Variants in CUL5 observed in about 807,000 individuals in gnomAD.
CUL5 encodes the protein cullin-5.
A neutral mutation model predicts 108.8 loss-of-function variants in CUL5; 26 were observed. The ratio of observed to expected loss-of-function variants is 0.24; its 90% CI spans 0.18 to 0.33. The LOEUF (loss-of-function observed/expected upper bound fraction) is 0.33, where lower values mean the gene tolerates loss of function less well. Ranked by LOEUF, CUL5 falls within the 10% of genes least tolerant of loss-of-function variation. The pLI is 1.00. For synonymous variants in CUL5, 334 were observed against 298.0 expected (o/e 1.12, Z -1.25); for missense variants, 524 against 909.2 (o/e 0.58, Z 5.45).
intron 2 of CUL5, among the ~76,000 whole-genome samples, chr11:108,037,003 T>C (rs1246648312): frequency 6.6e-6 from 1 of 152,112 alleles, no homozygotes; most frequent in East Asian, 1.9e-4. Flanking sequence ...TGGGCTCTGA[T>C]CTTGCTATTA....
chr11:108,017,469 G>C (rs1862227736), intron 1 of CUL5, among the ~76,000 whole-genome samples: 2 of 151,140 alleles, frequency 1.3e-5, no homozygotes, highest in Admixed American at 1.3e-4. Flanking sequence ...CTTATATCCT[G>C]ATGGATGAAT....
At chr11:108,084,488 T>C (rs1336968041) in intron 11 of CUL5, among the ~76,000 whole-genome samples, 1 of 152,220 alleles carries the variant, frequency 6.6e-6, no homozygotes, top group Non-Finnish European at 1.5e-5. Context: ...GAGGGACATA[T>C]CTTCGATTCA....
chr11:108,078,043 AG>A (rs1863984619), intron 10 of CUL5, 132 bp from the exon 11 acceptor site: 1 of 526,700 alleles, frequency 1.9e-6, no homozygotes, highest in Non-Finnish European at 3.3e-6. Flanking sequence ...GTCTTTGACT[AG>A]GCAAATTCTG....
intron 7 of CUL5, among the ~76,000 whole-genome samples, chr11:108,060,083 G>A (rs1330908291): frequency 1.3e-5 from 2 of 151,880 alleles, no homozygotes; most frequent in African/African-American, 2.4e-5. Flanking sequence ...AGCTGAATAA[G>A]CAACTAGGTC....
intron 2 of CUL5, among the ~76,000 whole-genome samples, chr11:108,044,336 G>A (rs1233816345): frequency 6.6e-6 from 1 of 151,676 alleles, no homozygotes; most frequent in African/African-American, 2.4e-5. Context: ...GACAACATAG[G>A]GAGACCGTGT....
intron 1 of CUL5, among the ~76,000 whole-genome samples, chr11:108,010,395 AC>A (rs759828115): frequency 3.9e-4 from 60 of 152,226 alleles, no homozygotes; most frequent in Admixed American, 7.2e-4. Context: ...TCTTCTTTAG[AC>A]CACTGATATT....
intron 18 of CUL5, 42 bp downstream of exon 18, chr11:108,098,571 T>C (rs750711197): frequency 5.3e-5 from 72 of 1,358,646 alleles, no homozygotes; most frequent in Non-Finnish European, 6.5e-5. Context: ...AAAAAAACTT[T>C]AGTTTTTTTT....
chr11:108,019,554 T>A (rs1313340344), intron 1 of CUL5, among the ~76,000 whole-genome samples: 2 of 152,210 alleles, frequency 1.3e-5, no homozygotes, highest in African/African-American at 4.8e-5. Flanking sequence ...AAAAAATTCC[T>A]ATTGTCTGGC....
rs2135185241 is a variant in CUL5 at position 108,072,270 on chromosome 11, G to A, written c.875-62G>A. Reference sequence around the variant, plus strand: ...TATTAACATTACAAACTTAACTAATGTTTCTCTAAACTCTTACTCTAGTAA... The same window carrying A: ...TATTAACATTACAAACTTAACTAATATTTCTCTAAACTCTTACTCTAGTAA... On this transcript the variant is annotated intron_variant, in intron 8 of 18. Transcript: ENST00000393094. The A allele has an allele frequency of 5.2e-6, 7 of 1,333,860 alleles. No homozygotes were observed. The East Asian group carries it at 1.2e-4, about 23-fold the overall frequency. 82.6% of individuals were successfully genotyped at this position (1,333,860 alleles called of 1,614,324 possible).
chr11:108,044,656 T>A (rs1375751573), intron 2 of CUL5, among the ~76,000 whole-genome samples: 3 of 152,144 alleles, frequency 2.0e-5, no homozygotes, highest in African/African-American at 7.2e-5. Context: ...TTTGAATGAA[T>A]GATTCTTCAC....
intron 2 of CUL5, among the ~76,000 whole-genome samples, chr11:108,044,760 T>C (rs555830735): frequency 2.0e-5 from 3 of 151,672 alleles, no homozygotes; most frequent in African/African-American, 7.2e-5. Flanking sequence ...TATATTTTAA[T>C]TTATTATTAT....
chr11:108,035,527 A>G (rs1294718343), intron 2 of CUL5, among the ~76,000 whole-genome samples: 1 of 151,962 alleles, frequency 6.6e-6, no homozygotes, highest in Admixed American at 6.6e-5. Flanking sequence ...GCTTGAGCCC[A>G]GGAGTTCAAG....
At chr11:108,042,373 C>A (rs1348189209) in intron 2 of CUL5, among the ~76,000 whole-genome samples, 1 of 151,952 alleles carries the variant, frequency 6.6e-6, no homozygotes, top group African/African-American at 2.4e-5. Context: ...CGTGCCTCAC[C>A]ACACCAGGCT....
chr11:108,099,396 G>A (rs939403177), intron 18 of CUL5, among the ~76,000 whole-genome samples: 1 of 152,130 alleles, frequency 6.6e-6, no homozygotes, highest in Non-Finnish European at 1.5e-5. Flanking sequence ...GCAGAGAAAA[G>A]ATGAATGAAT....
At chr11:108,092,027 C>T (rs1434390460) in intron 13 of CUL5, among the ~76,000 whole-genome samples, 6 of 152,098 alleles carry the variant, frequency 3.9e-5, no homozygotes, top group Non-Finnish European at 7.3e-5. Context: ...GTTCTAGCTA[C>T]TCAGGAGGCT....
At chr11:108,100,713 G>T (rs1397099198) in intron 18 of CUL5, among the ~76,000 whole-genome samples, 1 of 152,132 alleles carries the variant, frequency 6.6e-6, no homozygotes, top group Admixed American at 6.5e-5. Context: ...TCGTAGCTAT[G>T]CCAGGATAAA....
At chr11:108,080,551 A>T (rs1441430202) in intron 11 of CUL5, among the ~76,000 whole-genome samples, 1 of 152,074 alleles carries the variant, frequency 6.6e-6, no homozygotes, top group East Asian at 1.9e-4. Flanking sequence ...GTGTGCCACC[A>T]CGCCCAGCTA....
At chr11:108,076,589 A>C (rs756750140) in intron 10 of CUL5, among the ~76,000 whole-genome samples, 2 of 152,032 alleles carry the variant, frequency 1.3e-5, no homozygotes, top group African/African-American at 4.8e-5. Flanking sequence ...GGCTTCCGTC[A>C]TATATATGTA....
At chr11:108,096,350 A>C (rs1864494607) in intron 16 of CUL5, among the ~76,000 whole-genome samples, 2 of 148,160 alleles carry the variant, frequency 1.3e-5, no homozygotes, top group African/African-American at 2.5e-5. Context: ...AAAAAAACAA[A>C]TTAGCCAGCT....
Sources: gnomAD v4.1 joint callset for allele counts (sites outside exome capture counted in the v4.1 genomes callset) on GRCh38, gnomAD v4.1.1 for gene constraint, MANE v1.5 for transcripts, NCBI Gene and HGNC (gene_info 2026-07-23, HGNC 2026-07-21) for gene names.